Variants in LOC122539214 observed in about 807,000 individuals in gnomAD.
At chr19:52,687,045 G>A in the LOC122539214 span, among the ~76,000 whole-genome samples, 1 of 151,732 alleles carries the variant, frequency 6.6e-6, no homozygotes, top group Non-Finnish European at 1.5e-5. Context: ...GCCCAGAGTG[G>A]TGGCGCATGC....
chr19:52,683,478 C>T, the LOC122539214 span, among the ~76,000 whole-genome samples: 6 of 121,130 alleles, frequency 5.0e-5, no homozygotes, highest in South Asian at 4.9e-4. Flanking sequence ...CCTTCATGCC[C>T]CTCAGGTCCC....
the LOC122539214 span, among the ~76,000 whole-genome samples, chr19:52,680,604 ATATTT>A: frequency 1.6e-4 from 14 of 89,932 alleles, no homozygotes; most frequent in East Asian, 1.3e-3. Flanking sequence ...TTTCCACAAA[ATATTT>A]TTTTTTTTTT....
At chr19:52,652,045 G>T in the LOC122539214 span, 36 of 234,986 alleles carry the variant, frequency 1.5e-4, no homozygotes, top group African/African-American at 8.3e-4. Flanking sequence ...GTTCTGCAAG[G>T]AGTGACCTCA....
At chr19:52,681,772 A>G in the LOC122539214 span, among the ~76,000 whole-genome samples, 1 of 152,256 alleles carries the variant, frequency 6.6e-6, no homozygotes, top group Admixed American at 6.5e-5. Flanking sequence ...AATAGGTTCA[A>G]GGGTAAGAAC....
At chr19:52,657,603 T>C in the LOC122539214 span, among the ~76,000 whole-genome samples, 1 of 152,188 alleles carries the variant, frequency 6.6e-6, no homozygotes, top group South Asian at 2.1e-4. Context: ...ATCCCAGCAC[T>C]TTGGGATGCC....
the LOC122539214 span, among the ~76,000 whole-genome samples, chr19:52,659,302 T>C: frequency 6.6e-6 from 1 of 151,678 alleles, no homozygotes; most frequent in African/African-American, 2.4e-5. Context: ...AAGGATTTCG[T>C]GGTCAAGCCA....
chr19:52,687,603 ATATATATAAT>A, the LOC122539214 span, among the ~76,000 whole-genome samples: 1 of 38,778 alleles, frequency 2.6e-5, no homozygotes, highest in African/African-American at 3.1e-4. Context: ...TATAATGTAT[ATATATATAAT>A]GTGTATATAT....
At chr19:52,670,148 T>C in the LOC122539214 span, among the ~76,000 whole-genome samples, 1 of 151,208 alleles carries the variant, frequency 6.6e-6, no homozygotes, top group Non-Finnish European at 1.5e-5. Flanking sequence ...GATCACCTGC[T>C]CCACCCTGCC....
the LOC122539214 span, among the ~76,000 whole-genome samples, chr19:52,677,472 T>C: frequency 9.5e-4 from 144 of 151,058 alleles, no homozygotes; most frequent in African/African-American, 3.3e-3. Flanking sequence ...GGTGACAGAG[T>C]GAGACTCTGT....
the LOC122539214 span, among the ~76,000 whole-genome samples, chr19:52,676,725 G>A: frequency 5.7e-4 from 80 of 139,384 alleles, 2 homozygotes; most frequent in Admixed American, 1.2e-3. Flanking sequence ...TCGGATGGTT[G>A]CCGTGTCTGT....
the LOC122539214 span, among the ~76,000 whole-genome samples, chr19:52,656,224 C>CTATATA: frequency 1.5e-4 from 19 of 124,538 alleles, no homozygotes; most frequent in African/African-American, 4.6e-4. Context: ...CTCTCTCTCT[C>CTATATA]TCTATATATA....
the LOC122539214 span, among the ~76,000 whole-genome samples, chr19:52,670,816 A>G: frequency 5.3e-5 from 8 of 152,320 alleles, no homozygotes; most frequent in African/African-American, 1.9e-4. Flanking sequence ...CTTCCAGGCT[A>G]CAGGTAAATT....
the LOC122539214 span, among the ~76,000 whole-genome samples, chr19:52,682,892 A>C: frequency 2.0e-5 from 3 of 151,602 alleles, no homozygotes; most frequent in African/African-American, 7.3e-5. Flanking sequence ...TTTTTTCTAG[A>C]TGGAGTCTCT....
At chr19:52,653,613 C>A in the LOC122539214 span, among the ~76,000 whole-genome samples, 3 of 152,032 alleles carry the variant, frequency 2.0e-5, no homozygotes, top group Non-Finnish European at 4.4e-5. Context: ...CAAGGGATGA[C>A]GTCTGACTGA....
At chr19:52,657,095 G>C in the LOC122539214 span, among the ~76,000 whole-genome samples, 1 of 151,700 alleles carries the variant, frequency 6.6e-6, no homozygotes, top group African/African-American at 2.4e-5. Flanking sequence ...CAGCCTGGGG[G>C]ACACAGCGAG....
At chr19:52,671,061 A>T in the LOC122539214 span, among the ~76,000 whole-genome samples, 2 of 152,352 alleles carry the variant, frequency 1.3e-5, no homozygotes, top group Middle Eastern at 3.4e-3. Context: ...AGATCTAGCT[A>T]TGTTAACAGA....
At chr19:52,672,235 AAAAAAT>A in the LOC122539214 span, among the ~76,000 whole-genome samples, 4 of 152,206 alleles carry the variant, frequency 2.6e-5, no homozygotes, top group Admixed American at 6.5e-5. Context: ...TTCTGTCTCA[AAAAAAT>A]AAAAATAAAA....
At chr19:52,654,359 C>T in the LOC122539214 span, 17 of 1,295,658 alleles carry the variant, frequency 1.3e-5, no homozygotes, top group South Asian at 8.8e-5. Context: ...CCTGTATTAC[C>T]GTGCCCTGTT....
the LOC122539214 span, among the ~76,000 whole-genome samples, chr19:52,687,109 A>G: frequency 6.6e-6 from 1 of 150,890 alleles, no homozygotes; most frequent in Admixed American, 6.6e-5. Flanking sequence ...TGAACCCAGA[A>G]AGCAGAGGTT....
Sources: gnomAD v4.1 joint callset for allele counts (sites outside exome capture counted in the v4.1 genomes callset) on GRCh38, gnomAD v4.1.1 for gene constraint, MANE v1.5 for transcripts.